The following FBXO21 variants were observed in gnomAD, a reference collection of about 807,000 sequenced individuals.
The protein encoded by FBXO21 is F-box only protein 21.
FBXO21 carries 32 observed loss-of-function variants against 76.6 expected under a neutral mutation model. That is an observed-to-expected ratio of 0.42 (90% CI 0.32 to 0.56). The LOEUF is 0.56. FBXO21 is among the 20% of genes least tolerant of loss of function. The pLI is 0.16. For missense variants in FBXO21, 586 were observed against 797.3 expected, an observed-to-expected ratio of 0.73 and a Z score of 3.19; for synonymous variants, 328 against 311.5, an observed-to-expected ratio of 1.05 and a Z score of -0.56.
At chr12:117,178,630 G>A (rs949909810) in intron 3 of FBXO21, among the ~76,000 whole-genome samples, 1 of 151,438 alleles carries the variant, frequency 6.6e-6, no homozygotes, top group Non-Finnish European at 1.5e-5. Flanking sequence ...CATTCCAGCT[G>A]TTCCTTTACT....
intron 7 of FBXO21, among the ~76,000 whole-genome samples, chr12:117,170,658 G>A (rs1483068268): frequency 6.6e-6 from 1 of 152,106 alleles, no homozygotes; most frequent in African/African-American, 2.4e-5. Flanking sequence ...CATGTCTAGG[G>A]GGTATTAAAT....
chr12:117,161,888 T>C (rs949020054), intron 9 of FBXO21, among the ~76,000 whole-genome samples: 3 of 151,814 alleles, frequency 2.0e-5, no homozygotes, highest in African/African-American at 7.3e-5. Context: ...CAGAAGGGAG[T>C]AGCCTGCAGT....
chr12:117,175,307 A>AC (rs1368054096), intron 4 of FBXO21, among the ~76,000 whole-genome samples: 1 of 152,208 alleles, frequency 6.6e-6, no homozygotes, highest in African/African-American at 2.4e-5. Context: ...TCTGGAGCTA[A>AC]CCCCACTTTC....
intron 11 of FBXO21, among the ~76,000 whole-genome samples, chr12:117,150,956 T>TTTTGTG (rs1461843192): frequency 3.2e-5 from 3 of 94,714 alleles, no homozygotes; most frequent in Admixed American, 1.3e-4. Flanking sequence ...TCAAATAAGT[T>TTTTGTG]TGTGTGTGTG....
At position 117,143,205 on chromosome 12, in the gene FBXO21, G is replaced by C. The variant is rs1297008086; in HGVS notation, c.*2882C>G. On this transcript the variant is annotated 3_prime_UTR_variant, in exon 12 of 12. Transcript: ENST00000622495. The stretch of plus-strand genomic sequence containing the variant: ...CTGCAAACACCGGACCCCCGGGGAC[G>C]GTGCGTGCGTGTAGGGGAGGGAAAT... 1.3e-5 allele frequency: 2 copies of C among 152,134 alleles called. No individual in the cohort carries two copies. Among genetic ancestry groups the C allele is most frequent in the African/African-American group, 2.4e-5 (1 of 41,412 alleles). 9.4% of individuals were successfully genotyped at this position (152,134 alleles called of 1,614,324 possible). A position where few individuals can be genotyped will look rare whatever the true frequency, so the allele number is the denominator to read the frequency against.
intron 9 of FBXO21, among the ~76,000 whole-genome samples, chr12:117,164,452 C>T (rs911645565): frequency 6.6e-5 from 10 of 151,784 alleles, no homozygotes; most frequent in African/African-American, 2.4e-4. Context: ...AATTTTTGTA[C>T]TTTAGTAGAG....
At chr12:117,166,451 T>C (rs1276532834) in intron 8 of FBXO21, among the ~76,000 whole-genome samples, 1 of 152,144 alleles carries the variant, frequency 6.6e-6, no homozygotes, top group Non-Finnish European at 1.5e-5. Flanking sequence ...AGGGAGGATA[T>C]GGGAACTCTC....
chr12:117,157,422 C>T (rs566327925), intron 10 of FBXO21, among the ~76,000 whole-genome samples: 11 of 152,284 alleles, frequency 7.2e-5, no homozygotes, highest in African/African-American at 2.6e-4. Context: ...GGCTCCCAGC[C>T]TGCTGGTGGG....
At chr12:117,172,863 A>G (rs1956131676) in intron 6 of FBXO21, among the ~76,000 whole-genome samples, 1 of 152,176 alleles carries the variant, frequency 6.6e-6, no homozygotes, top group African/African-American at 2.4e-5. Flanking sequence ...AGTTAATACT[A>G]TTCAAAGACA....
chr12:117,187,420 CAAAAAAAAAAAAAA>C (rs921514232), intron 2 of FBXO21, among the ~76,000 whole-genome samples: 13 of 59,694 alleles, frequency 2.2e-4, no homozygotes, highest in Admixed American at 1.7e-3. Context: ...AACTCTGTCT[CAAAAAAAAAAAAAA>C]AAAAAAAAAA....
chr12:117,175,482 G>T (rs1376350982), intron 4 of FBXO21, among the ~76,000 whole-genome samples: 1 of 152,172 alleles, frequency 6.6e-6, no homozygotes, highest in Non-Finnish European at 1.5e-5. Context: ...CCGTTATGTG[G>T]GAAGCTCTCG....
intron 7 of FBXO21, 30 bp from the exon 8 acceptor site, chr12:117,167,107 G>A (rs1956062165): frequency 6.4e-7 from 1 of 1,564,568 alleles, no homozygotes; most frequent in Non-Finnish European, 8.8e-7. Flanking sequence ...TCAGATGAGA[G>A]CTGAACAACT....
At chr12:117,150,807 A>G (rs11068371) in intron 11 of FBXO21, among the ~76,000 whole-genome samples, 54,394 of 149,924 alleles carry the variant, frequency 0.36, 11,465 homozygotes, top group Admixed American at 0.54. Flanking sequence ...ACTCAACCCC[A>G]CCCCCATGCA....
rs1041665483 is a variant in FBXO21, at chr12:117,186,401, T to C, written c.470+76A>G. On this transcript the variant is annotated intron_variant, in intron 3 of 11. Coordinates refer to ENST00000622495, the MANE Select transcript of FBXO21 (RefSeq NM_015002.3). ...TATTTGGAATCACATATTCCAGGGT[T>C]TAGCCACACAGAAATTACAGCAATT... The C allele has an allele frequency of 5.1e-6, 5 of 987,846 alleles. No individual in the cohort carries two copies. In the South Asian group the frequency reaches 6.7e-5, roughly 13 times the overall value. 61.2% of individuals were successfully genotyped at this position (987,846 alleles called of 1,614,324 possible).
At chr12:117,166,652 G>T (rs1173608403) in intron 8 of FBXO21, among the ~76,000 whole-genome samples, 1 of 152,172 alleles carries the variant, frequency 6.6e-6, no homozygotes, top group African/African-American at 2.4e-5. Context: ...CTTATCTAAT[G>T]ATAGGAAGGT....
intron 11 of FBXO21, 62 bp from the exon 12 acceptor site, chr12:117,146,339 T>C: frequency 1.4e-6 from 2 of 1,419,926 alleles, no homozygotes; most frequent in Non-Finnish European, 1.9e-6. Context: ...ACACCTTTCA[T>C]CCAGAGAACC....
At chr12:117,189,397 A>C in intron 1 of FBXO21, 35 bp from the exon 2 acceptor site, 1 of 1,613,256 alleles carries the variant, frequency 6.2e-7, no homozygotes, top group South Asian at 1.1e-5. Context: ...AGCTTAACAG[A>C]AACTCAAAGG....
At chr12:117,185,887 T>TAA (rs144813697) in intron 3 of FBXO21, among the ~76,000 whole-genome samples, 1 of 152,170 alleles carries the variant, frequency 6.6e-6, no homozygotes, top group Admixed American at 6.5e-5. Flanking sequence ...TTCTTTTTTT[T>TAA]ATGAGACGAA....
At chr12:117,189,043 A>T in intron 2 of FBXO21, 184 bp downstream of exon 2, 1 of 679,924 alleles carries the variant, frequency 1.5e-6, no homozygotes, top group Non-Finnish European at 2.5e-6. Flanking sequence ...GGCACAGACA[A>T]ATGGCTTCGT....
Sources: gnomAD v4.1 joint callset for allele counts (sites outside exome capture counted in the v4.1 genomes callset) on GRCh38, gnomAD v4.1.1 for gene constraint, MANE v1.5 for transcripts, NCBI Gene and HGNC (gene_info 2026-07-23, HGNC 2026-07-21) for gene names.